CRYAB: variants seen among roughly 807,000 people sequenced by gnomAD.
The protein encoded by CRYAB is crystallin alpha B.
In CRYAB, 9 loss-of-function variants were observed where a neutral mutation model predicts 12.7. The observed-to-expected ratio is 0.71, with a 90% confidence interval of 0.43 to 1.24. The LOEUF (loss-of-function observed/expected upper bound fraction) is 1.24, where lower values mean the gene tolerates loss of function less well. CRYAB is among the 50% of genes most tolerant of loss of function. The pLI, the probability that CRYAB is intolerant of heterozygous loss-of-function variation, is 0.00. For missense variants in CRYAB, 183 were observed against 226.6 expected (o/e 0.81, Z 1.24); for synonymous variants, 93 against 86.8 (o/e 1.07, Z -0.40).
At chr11:111,919,134 C>T (rs1965645803) in intron 1 of CRYAB, 3 of 1,003,386 alleles carry the variant, frequency 3.0e-6, no homozygotes, top group Non-Finnish European at 4.5e-6. Context: ...CTGGTACCTC[C>T]TTGTTCCAAC....
chr11:111,915,893 C>A (rs751491772), upstream of CRYAB, among the ~76,000 whole-genome samples: 81 of 152,090 alleles, frequency 5.3e-4, no homozygotes, highest in Non-Finnish European at 9.6e-4. Context: ...CAGGTGTGTG[C>A]CACCACGCCT....
At chr11:111,913,690 G>C, upstream of CRYAB, 2 of 1,614,118 alleles carry the variant, frequency 1.2e-6, no homozygotes, top group Non-Finnish European at 1.7e-6. Context: ...TTCGTGTCCC[G>C]AGAGTTCTGC....
At chr11:111,909,721 GTA>G (rs1555165341) in intron 2 of CRYAB, 1 of 205,938 alleles carries the variant, frequency 4.9e-6, no homozygotes, top group East Asian at 1.2e-4. Flanking sequence ...GACAAACCAA[GTA>G]GTTCAGCATT....
At chr11:111,920,489 G>C (rs1965674336) in intron 1 of CRYAB, among the ~76,000 whole-genome samples, 1 of 151,990 alleles carries the variant, frequency 6.6e-6, no homozygotes, top group Non-Finnish European at 1.5e-5. Flanking sequence ...AGTGAGCTGA[G>C]ATTGCGCCAC....
intron 1 of CRYAB, among the ~76,000 whole-genome samples, chr11:111,921,899 C>A (rs1555166597): frequency 1.3e-5 from 2 of 151,840 alleles, no homozygotes; most frequent in African/African-American, 4.8e-5. Context: ...GTGGCACAAT[C>A]TTGGCTCGCT....
upstream of CRYAB, chr11:111,913,271 C>G: frequency 1.5e-6 from 1 of 660,250 alleles, no homozygotes. Flanking sequence ...TCTTTCCCCT[C>G]TTCCGAGCTG....
At chr11:111,911,086 G>T (rs1965439420) in intron 1 of CRYAB, among the ~76,000 whole-genome samples, 1 of 152,252 alleles carries the variant, frequency 6.6e-6, no homozygotes, top group East Asian at 1.9e-4. Context: ...CATAGAAGAG[G>T]GAATAGAAAG....
chr11:111,916,423 A>G (rs1965598831), upstream of CRYAB, among the ~76,000 whole-genome samples: 1 of 151,172 alleles, frequency 6.6e-6, no homozygotes, highest in African/African-American at 2.4e-5. Flanking sequence ...GGGTTTCGCC[A>G]TGTTGTCCAG....
At chr11:111,920,417 A>C (rs1236256637) in intron 1 of CRYAB, among the ~76,000 whole-genome samples, 2 of 152,044 alleles carry the variant, frequency 1.3e-5, no homozygotes, top group Non-Finnish European at 2.9e-5. Context: ...ACACGCCTGT[A>C]ATCTGAGCTA....
At chr11:111,916,869 T>C (rs1555166151), upstream of CRYAB, among the ~76,000 whole-genome samples, 1 of 151,992 alleles carries the variant, frequency 6.6e-6, no homozygotes, top group Non-Finnish European at 1.5e-5. Context: ...CTTTTCTTTT[T>C]TTTTTTAGAG....
At chr11:111,918,530 C>T in intron 1 of CRYAB, 1 of 461,522 alleles carries the variant, frequency 2.2e-6, no homozygotes, top group Non-Finnish European at 3.9e-6. Flanking sequence ...TACCAATTGC[C>T]TCGAAAGTGA....
At chr11:111,910,013 A>G in intron 2 of CRYAB, 3 of 614,706 alleles carry the variant, frequency 4.9e-6, no homozygotes, top group Non-Finnish European at 8.7e-6. Context: ...ATGCCCGAGC[A>G]TTAGGTTTTT....
At position 111,910,432 on chromosome 11, in the gene CRYAB, G is replaced by T; in HGVS notation, c.219C>A (p.Asp73Glu). ...TCACATCCAGGTTGACAGAGAACCT[G>T]TCCTTCTCCAGGCGCATCTAGAAAT... ...TGLSEMRLEK[D>E]RFSVNLDVKH... Residue 73 changes from aspartate (D) to glutamate (E), a missense_variant, in exon 2 of 3, where the codon GAC becomes GAA. Asp to Glu is a conservative substitution (Grantham distance 45). This residue lies in a region of CRYAB where 2 missense variants were observed against 18.0 expected (regional missense o/e 0.11). Transcript: ENST00000650687. 6.2e-7 allele frequency: 1 copy of T among 1,614,192 alleles called. No homozygotes were observed. Among genetic ancestry groups the T allele is most frequent in the Non-Finnish European group, 8.5e-7 (1 of 1,180,040 alleles).
intron 1 of CRYAB, chr11:111,910,815 T>TAATGATACG: frequency 2.9e-6 from 1 of 349,876 alleles, no homozygotes; most frequent in Non-Finnish European, 5.4e-6. Context: ...CAGGTCTCTT[T>TAATGATACG]GCCAGTTTTC....
At chr11:111,913,816 T>C (rs1555165917), upstream of CRYAB, 2 of 1,613,850 alleles carry the variant, frequency 1.2e-6, no homozygotes, top group East Asian at 2.2e-5. Context: ...GACACAGAGG[T>C]CAATGAGGTC....
At position 111,908,939 on chromosome 11, in the gene CRYAB, A is replaced by G. The variant is rs876657766; in HGVS notation, c.353T>C (p.Phe118Ser). Residue 118 changes from phenylalanine to serine, a missense_variant, in exon 3 of 3, where the codon TTC (phenylalanine) becomes TCC (serine). Phe to Ser is a radical substitution (Grantham distance 155). Coordinates refer to ENST00000650687, the MANE Select transcript of CRYAB (RefSeq NM_001289808.2). Reference sequence around the variant, plus strand: ...AGCTGGGATCCGGTATTTCCTGTGGAACTCCCTGGAGATGAAACCATGTTC... The same window carrying G: ...AGCTGGGATCCGGTATTTCCTGTGGGACTCCCTGGAGATGAAACCATGTTC... The part of the protein sequence containing the change: ...QDEHGFISRE[F>S]HRKYRIPADV... 8 of 1,614,076 alleles carry G rather than the reference A, an allele frequency of 5.0e-6. No individual in the cohort carries two copies. The highest frequency in any genetic ancestry group is 6.8e-6 in the Non-Finnish European group (8 of 1,180,010).
intron 2 of CRYAB, chr11:111,909,865 C>T: frequency 2.3e-6 from 1 of 427,074 alleles, no homozygotes; most frequent in East Asian, 4.4e-5. Context: ...TATACCTAAT[C>T]AGTGGTTCTC....
Position 111,908,725 on chromosome 11 carries a change from A to G in CRYAB, c.*39T>C, listed in dbSNP as rs782808506. On this transcript the variant is annotated 3_prime_UTR_variant, in exon 3 of 3. Transcript: ENST00000650687. ...AAGACTTTCATTCACTGGTGGGGAA[A>G]CTTTCTTGTTTTAAAAAATGCAATT... The G allele has an allele frequency of 6.2e-7, 1 of 1,600,730 alleles. No individual in the cohort carries two copies. Among genetic ancestry groups the G allele is most frequent in the East Asian group, 2.2e-5 (1 of 44,834 alleles).
intron 1 of CRYAB, chr11:111,910,864 T>C (rs1965432096): frequency 9.6e-6 from 3 of 312,340 alleles, no homozygotes; most frequent in South Asian, 9.6e-5. Context: ...GTCCTGCTTG[T>C]CCTTCCAAAG....
Sources: gnomAD v4.1 joint callset for allele counts (sites outside exome capture counted in the v4.1 genomes callset) on GRCh38, gnomAD v4.1.1 for gene constraint, gnomAD v4.1.1 regional missense constraint, MANE v1.5 for transcripts, NCBI Gene and HGNC (gene_info 2026-07-23, HGNC 2026-07-21) for gene names.